NOX1: variants seen among roughly 807,000 people sequenced by gnomAD.
NOX1 encodes NADPH oxidase 1.
Under a neutral mutation model 42.5 loss-of-function variants are expected in NOX1, and 34 were observed. The ratio of observed to expected loss-of-function variants is 0.80; its 90% CI spans 0.61 to 1.07. The LOEUF is 1.07. Ranked by LOEUF, NOX1 falls within the 50% of genes least tolerant of loss-of-function variation. The probability of loss-of-function intolerance (pLI) is 0.00; values close to 1 mark genes in which losing one functional copy is unlikely to be tolerated. For missense variants in NOX1, 408 were observed against 427.0 expected (o/e 0.96, Z 0.39); for synonymous variants, 143 against 152.5 (o/e 0.94, Z 0.46).
chrX:100,868,661 G>A (rs185357069), intron 2 of NOX1, among the ~76,000 whole-genome samples: 152 of 111,090 alleles, frequency 1.4e-3, no homozygotes, highest in Non-Finnish European at 2.3e-3. Context: ...AGAGAGGTAT[G>A]TTTCCATGAC....
chrX:100,853,324 C>CTTTCTTTCTT (rs2085138650), intron 7 of NOX1, among the ~76,000 whole-genome samples: 6 of 20,416 alleles, frequency 2.9e-4, no homozygotes, highest in Non-Finnish European at 5.3e-4. Flanking sequence ...CTTTCTTTCT[C>CTTTCTTTCTT]TCTCTTTCTC....
Position 100,851,290 on chromosome X carries a change from A to G in NOX1, c.840T>C (p.Tyr280=). ...AAAACCGGAGGATCCTTTCACAGAT[A>G]TAAAGAATGACCGGTGCAAGGATCC... ...WKWILAPVIL[Y]ICERILRFYR... The change falls in exon 8 of 13, where the codon TAT becomes TAC. Residue 280 remains tyrosine, a synonymous_variant. Coordinates refer to ENST00000372966, the MANE Select transcript of NOX1 (RefSeq NM_007052.5). 2 of 1,195,028 alleles carry G rather than the reference A, an allele frequency of 1.7e-6. No homozygotes were observed. The highest frequency in any genetic ancestry group is 2.3e-6 in the Non-Finnish European group (2 of 883,212).
intron 7 of NOX1, among the ~76,000 whole-genome samples, chrX:100,853,897 C>T (rs1242794205): frequency 8.9e-6 from 1 of 112,097 alleles, no homozygotes; most frequent in African/African-American, 3.2e-5. Flanking sequence ...AATCCCAACA[C>T]TTTGGGAAGC....
chrX:100,866,583 T>G (rs1156890030), intron 2 of NOX1, among the ~76,000 whole-genome samples: 1 of 110,196 alleles, frequency 9.1e-6, no homozygotes, highest in Non-Finnish European at 1.9e-5. Flanking sequence ...TCTATTCGCT[T>G]GGTGCAAAAG....
intron 2 of NOX1, among the ~76,000 whole-genome samples, chrX:100,864,051 G>A (rs1032143114): frequency 9.0e-6 from 1 of 111,683 alleles, no homozygotes; most frequent in Non-Finnish European, 1.9e-5. Flanking sequence ...GTGCAGTGGC[G>A]AGATATCGGC....
intron 2 of NOX1, among the ~76,000 whole-genome samples, chrX:100,864,066 T>G (rs2085223652): frequency 1.8e-5 from 2 of 112,096 alleles, no homozygotes; most frequent in Non-Finnish European, 3.8e-5. Context: ...ATCGGCTCAC[T>G]GCATCCTCTG....
rs771265181 is a variant in NOX1 at position 100,850,176 on chromosome X, C to A, written c.1108G>T (p.Glu370Ter). The change falls in exon 9 of 13, where the codon GAA becomes TAA. Residue 370 changes from glutamate to a stop codon, truncating the protein, a stop_gained. Transcript: ENST00000372966. LOFTEE classifies it high-confidence loss of function. ...CTGGGAATTGGTGAATATTGTTGTT[C>A]GAAAGCCCTTATGAGATTTTCTGTC... ...DWTENLIRAF[E>*]QQYSPIPRIE... 5.0e-6 allele frequency: 6 copies of A among 1,210,072 alleles called. No individual in the cohort carries two copies. Among genetic ancestry groups the A allele is most frequent in the Non-Finnish European group, 6.7e-6 (6 of 894,246 alleles).
chrX:100,860,722 G>A (rs1312903817), intron 7 of NOX1, among the ~76,000 whole-genome samples: 1 of 110,784 alleles, frequency 9.0e-6, no homozygotes, highest in African/African-American at 3.3e-5. Context: ...TTCCTACTTG[G>A]TAATTTTTTG....
At chrX:100,849,087 A>AT (rs2085094971) in intron 11 of NOX1, among the ~76,000 whole-genome samples, 193 bp downstream of exon 11, 6 of 48,924 alleles carry the variant, frequency 1.2e-4, no homozygotes, top group African/African-American at 1.2e-3. Flanking sequence ...AAAAAGAAAA[A>AT]AAAAAGAAGA....
intron 2 of NOX1, among the ~76,000 whole-genome samples, chrX:100,868,529 T>C (rs916606370): frequency 4.5e-5 from 5 of 110,121 alleles, no homozygotes; most frequent in African/African-American, 1.3e-4. Flanking sequence ...CCCTCTTCTG[T>C]TTTTGATCTG....
Position 100,843,824 on chromosome X carries a change from A to G in NOX1, c.*128T>C, listed in dbSNP as rs1385307019. Reference sequence around the variant, plus strand: ...GAAGTTGAATGCAATCAAAAAAAGAATACCAGGGAGTCAAGGCTTGAGAGG... The same window carrying G: ...GAAGTTGAATGCAATCAAAAAAAGAGTACCAGGGAGTCAAGGCTTGAGAGG... On this transcript the variant is annotated 3_prime_UTR_variant, in exon 13 of 13. Transcript: ENST00000372966. The G allele has an allele frequency of 2.0e-6, 1 of 507,500 alleles. No homozygotes were observed. The highest frequency in any genetic ancestry group is 2.4e-5 in the African/African-American group (1 of 41,157). 41.8% of individuals were successfully genotyped at this position (507,500 alleles called of 1,213,427 possible).
At chrX:100,860,490 T>A (rs2085196383) in intron 7 of NOX1, among the ~76,000 whole-genome samples, 1 of 111,825 alleles carries the variant, frequency 8.9e-6, no homozygotes, top group South Asian at 3.8e-4. Flanking sequence ...ATCTGTTAGG[T>A]TAACAGATTC....
At chrX:100,853,312 T>TTCTCTCTCTTTC (rs1569445654) in intron 7 of NOX1, among the ~76,000 whole-genome samples, 1 of 86,416 alleles carries the variant, frequency 1.2e-5, no homozygotes, top group Non-Finnish European at 2.2e-5. Flanking sequence ...CTTTCTTTCT[T>TTCTCTCTCTTTC]TCTTTCTTTC....
chrX:100,852,330 G>C (rs141374682), intron 7 of NOX1, among the ~76,000 whole-genome samples: 1,643 of 110,812 alleles, frequency 0.015, 26 homozygotes, highest in African/African-American at 0.051. Flanking sequence ...TTAGCCGAGT[G>C]TGGTGGTGGG....
chrX:100,845,837 G>A (rs1483666997), intron 12 of NOX1, among the ~76,000 whole-genome samples: 4 of 103,483 alleles, frequency 3.9e-5, no homozygotes, highest in African/African-American at 1.1e-4. Context: ...AGGCTGGAGC[G>A]CAGTGGCACG....
chrX:100,857,709 C>T (rs1182764087), intron 7 of NOX1, among the ~76,000 whole-genome samples: 2 of 58,198 alleles, frequency 3.4e-5, no homozygotes, highest in African/African-American at 2.3e-4. Flanking sequence ...GTCCTTTGCC[C>T]ACTTTTTTTT....
chrX:100,861,210 G>A (rs2085201212), intron 7 of NOX1, among the ~76,000 whole-genome samples: 1 of 111,334 alleles, frequency 9.0e-6, no homozygotes, highest in Admixed American at 9.6e-5. Context: ...TCATATTTTA[G>A]TGCAAGGCGT....
At chrX:100,853,254 C>A (rs866302508) in intron 7 of NOX1, among the ~76,000 whole-genome samples, 53 of 38,015 alleles carry the variant, frequency 1.4e-3, no homozygotes, top group African/African-American at 6.4e-3. Context: ...TCCTTCCTTC[C>A]TTCCTTCCTT....
chrX:100,848,108 C>T (rs1161614463), intron 12 of NOX1, among the ~76,000 whole-genome samples: 1 of 111,011 alleles, frequency 9.0e-6, no homozygotes, highest in Non-Finnish European at 1.9e-5. Context: ...TTTGCTGGGG[C>T]AAAAAAACCT....
Sources: allele counts gnomAD v4.1 joint callset (sites outside exome capture counted in the v4.1 genomes callset), GRCh38; gene constraint gnomAD v4.1.1; transcripts MANE v1.5; gene names NCBI Gene and HGNC (gene_info 2026-07-23, HGNC 2026-07-21).